TIAM2: variants seen among roughly 807,000 people sequenced by gnomAD.
TIAM2 encodes the protein rho guanine nucleotide exchange factor TIAM2.
In TIAM2, 80 loss-of-function variants were observed where a neutral mutation model predicts 152.9. The ratio of observed to expected loss-of-function variants is 0.52; its 90% confidence interval spans 0.44 to 0.63. The LOEUF (loss-of-function observed/expected upper bound fraction) is 0.63, where lower values mean the gene tolerates loss of function less well. Among genes scored for constraint, TIAM2 ranks in the 30% least tolerant of loss-of-function variants. TIAM2 has a pLI of 0.00. For synonymous variants in TIAM2, 804 were observed against 838.0 expected, an observed-to-expected ratio of 0.96 and a Z score of 0.70; for missense variants, 1,965 against 2,120.1, an observed-to-expected ratio of 0.93 and a Z score of 1.44.
intron 1 of TIAM2, among the ~76,000 whole-genome samples, chr6:155,033,844 G>A (rs1224731417): frequency 2.0e-5 from 3 of 151,942 alleles, no homozygotes; most frequent in Admixed American, 2.0e-4. Context: ...AGCCTTCTGA[G>A]TAGCCAGGCT....
rs1457509261 is a variant in TIAM2 at position 155,073,788 on chromosome 6, A to G, written c.-208-16501A>G. ...AACGTAACATTTTCCTACCTGCAGT[A>G]GATACCCTTAGAAGAGGAGTTTGGA... On this transcript the variant is annotated intron_variant, in intron 1 of 26. Coordinates refer to ENST00000682666, the MANE Select transcript of TIAM2 (RefSeq NM_012454.4). Among the ~76,000 whole-genome samples the G allele has an allele frequency of 2.0e-5, 3 of 152,236 alleles. No individual in the cohort carries two copies. The East Asian group carries it at 5.8e-4, about 29-fold the overall frequency.
intron 2 of TIAM2, among the ~76,000 whole-genome samples, chr6:155,118,416 TCTTTTTCTTTTTC>T (rs1278252069): frequency 4.9e-4 from 36 of 72,978 alleles, no homozygotes; most frequent in Non-Finnish European, 3.7e-4. Flanking sequence ...TTTTCTTTTT[TCTTTTTCTTTTTC>T]TTTTTCTTTT....
At chr6:155,219,241 A>G (rs1781960671) in intron 15 of TIAM2, among the ~76,000 whole-genome samples, 1 of 151,830 alleles carries the variant, frequency 6.6e-6, no homozygotes, top group Non-Finnish European at 1.5e-5. Context: ...TTTTTAATGT[A>G]TAGTGTTGTA....
chr6:155,079,538 T>C (rs535354811), intron 1 of TIAM2, among the ~76,000 whole-genome samples: 39 of 152,362 alleles, frequency 2.6e-4, no homozygotes, highest in African/African-American at 8.9e-4. Context: ...AATGTTACTG[T>C]ATGTGAAATG....
chr6:155,043,958 T>C (rs1583165379), intron 1 of TIAM2, among the ~76,000 whole-genome samples: 1 of 152,160 alleles, frequency 6.6e-6, no homozygotes, highest in Admixed American at 6.5e-5. Context: ...ACTGGGTACC[T>C]GAGGGCCATG....
intron 15 of TIAM2, among the ~76,000 whole-genome samples, chr6:155,238,722 T>G (rs1782888905): frequency 6.6e-6 from 1 of 152,260 alleles, no homozygotes. Flanking sequence ...TAATGTTTAT[T>G]ATAACTCTTC....
Position 155,137,341 on chromosome 6 carries a change from C to T in TIAM2, c.1359C>T (p.Pro453=), listed in dbSNP as rs1324610983. The change falls in exon 5 of 27, where the codon CCC becomes CCT. Residue 453 remains proline, a synonymous_variant. Coordinates refer to ENST00000682666, the MANE Select transcript of TIAM2 (RefSeq NM_012454.4). ...CCACACATGCGATTGGCAGCGATCC[C>T]CTCCGGCAGAACATTTATGAGAATT... ...SESTHAIGSD[P]LRQNIYENFM... 4 of 1,614,076 alleles carry T rather than the reference C, an allele frequency of 2.5e-6. No individual in the cohort carries two copies. The highest frequency in any genetic ancestry group is 3.4e-6 in the Non-Finnish European group (4 of 1,180,052).
At chr6:155,168,443 C>T (rs983438743) in intron 9 of TIAM2, among the ~76,000 whole-genome samples, 1 of 152,062 alleles carries the variant, frequency 6.6e-6, no homozygotes, top group African/African-American at 2.4e-5. Context: ...CTGCACCCTC[C>T]GCCTCCCGGG....
chr6:155,011,146 A>C (rs1348539813), intron 1 of TIAM2, among the ~76,000 whole-genome samples: 2 of 152,150 alleles, frequency 1.3e-5, no homozygotes, highest in Admixed American at 1.3e-4. Flanking sequence ...AACCAAAACC[A>C]AGCCAAACCA....
Position 155,174,451 on chromosome 6 carries a change from A to C in TIAM2, c.2362-2365A>C, listed in dbSNP as rs1321967344. 6.6e-6 allele frequency among the ~76,000 whole-genome samples: 1 copy of C among 151,786 alleles called. No homozygotes were observed. The highest frequency in any genetic ancestry group is 2.4e-5 in the African/African-American group (1 of 41,278). On this transcript the variant is annotated intron_variant, in intron 9 of 26. Transcript: ENST00000682666. The surrounding 1 kb of genome is among the most constrained non-coding windows in gnomAD (Gnocchi z 4.2). Reference sequence around the variant, plus strand: ...AGTGGCACGATCTTGGCTCACTGCAACCTCTGCCTCCCAGGTTCAAGCTGT... The same window carrying C: ...AGTGGCACGATCTTGGCTCACTGCACCCTCTGCCTCCCAGGTTCAAGCTGT...
At chr6:155,003,709 G>A (rs1390377229) in intron 1 of TIAM2, among the ~76,000 whole-genome samples, 3 of 152,192 alleles carry the variant, frequency 2.0e-5, no homozygotes, top group African/African-American at 7.2e-5. Context: ...GCCAGGAATC[G>A]GTTGTGTGTT....
intron 24 of TIAM2, chr6:155,253,264 CTT>C (rs1165687582): frequency 3.9e-6 from 2 of 506,704 alleles, no homozygotes; most frequent in Non-Finnish European, 7.0e-6. Context: ...TGCCAAATGC[CTT>C]TCATTGTTTC....
chr6:155,080,163 G>A (rs545414352), intron 1 of TIAM2, among the ~76,000 whole-genome samples: 108 of 151,730 alleles, frequency 7.1e-4, no homozygotes, highest in African/African-American at 2.5e-3. Flanking sequence ...TATCCGCCCC[G>A]TGGCTGTCAG....
chr6:155,202,811 G>A (rs1781503590), intron 14 of TIAM2, among the ~76,000 whole-genome samples: 1 of 150,704 alleles, frequency 6.6e-6, no homozygotes, highest in Non-Finnish European at 1.5e-5. Context: ...GCTGAGGTGG[G>A]TGGATCACTC....
intron 1 of TIAM2, among the ~76,000 whole-genome samples, chr6:155,088,995 T>G (rs1778235588): frequency 6.6e-6 from 1 of 152,142 alleles, no homozygotes; most frequent in Admixed American, 6.5e-5. Flanking sequence ...AACAGTATCT[T>G]GTTTACATCA....
chr6:155,197,138 G>A (rs540396840), intron 14 of TIAM2, among the ~76,000 whole-genome samples: 5 of 152,360 alleles, frequency 3.3e-5, no homozygotes, highest in East Asian at 1.9e-4. Flanking sequence ...CAGTGGGCTT[G>A]TGCCAAATCT....
At chr6:155,088,052 CTTTT>C (rs113372173) in intron 1 of TIAM2, among the ~76,000 whole-genome samples, 2 of 118,994 alleles carry the variant, frequency 1.7e-5, no homozygotes, top group Non-Finnish European at 3.5e-5. Flanking sequence ...TTCTTTCTTT[CTTTT>C]TTTTTTTTTT....
At chr6:155,032,748 C>T (rs1027499279) in intron 1 of TIAM2, among the ~76,000 whole-genome samples, 1 of 152,156 alleles carries the variant, frequency 6.6e-6, no homozygotes, top group Non-Finnish European at 1.5e-5. Flanking sequence ...GCCATGTTGG[C>T]CAGGCTGGTC....
intron 1 of TIAM2, among the ~76,000 whole-genome samples, chr6:155,028,164 C>T (rs148478890): frequency 2.1e-3 from 177 of 82,942 alleles, no homozygotes; most frequent in Non-Finnish European, 2.9e-3. Flanking sequence ...ATATATACTA[C>T]ATATAATATA....
Sources: allele counts gnomAD v4.1 joint callset (sites outside exome capture counted in the v4.1 genomes callset), GRCh38; gene constraint gnomAD v4.1.1; non-coding constraint Gnocchi (gnomAD v3.1); transcripts MANE v1.5; gene names NCBI Gene and HGNC (gene_info 2026-07-23, HGNC 2026-07-21).